Variants in HS6ST3 observed in about 807,000 individuals in gnomAD.
HS6ST3 encodes the protein heparan-sulfate 6-O-sulfotransferase 3.
A neutral mutation model predicts 36.7 loss-of-function variants in HS6ST3; 12 were observed. The observed-to-expected ratio is 0.33, with a 90% CI of 0.21 to 0.53. The LOEUF (loss-of-function observed/expected upper bound fraction) is 0.53. Ranked by LOEUF, HS6ST3 falls within the 20% of genes least tolerant of loss-of-function variation. HS6ST3 has a pLI of 0.95. For missense variants in HS6ST3, 584 were observed against 640.9 expected (o/e 0.91, Z 0.96); for synonymous variants, 240 against 257.5 (o/e 0.93, Z 0.65).
chr13:96,323,074 C>T (rs1482329905), intron 1 of HS6ST3, among the ~76,000 whole-genome samples: 1 of 152,204 alleles, frequency 6.6e-6, no homozygotes, highest in African/African-American at 2.4e-5. Context: ...CTGTACTTCT[C>T]CATGCTCAGG....
intron 1 of HS6ST3, among the ~76,000 whole-genome samples, chr13:96,284,910 G>GCTTGCTTGCTTTCTTTCTTT (rs1343778101): frequency 1.8e-3 from 245 of 134,658 alleles, no homozygotes; most frequent in East Asian, 4.7e-3. Context: ...ATGCATATTT[G>GCTTGCTTGCTTTCTTTCTTT]CTTTCTTTCT....
intron 1 of HS6ST3, among the ~76,000 whole-genome samples, chr13:96,700,339 G>C (rs1875251616): frequency 1.3e-5 from 2 of 152,050 alleles, no homozygotes; most frequent in Admixed American, 6.6e-5. Flanking sequence ...CACGAGAACA[G>C]CATGGGGGAA....
At chr13:96,679,025 T>C (rs1356165393) in intron 1 of HS6ST3, among the ~76,000 whole-genome samples, 1 of 151,174 alleles carries the variant, frequency 6.6e-6, no homozygotes, top group African/African-American at 2.4e-5. Flanking sequence ...TATATGTATT[T>C]CCTGAGCTGG....
chr13:96,355,491 T>G (rs1310517075), intron 1 of HS6ST3, among the ~76,000 whole-genome samples: 2 of 151,612 alleles, frequency 1.3e-5, no homozygotes, highest in Non-Finnish European at 2.9e-5. Context: ...AGCAATAAAG[T>G]GAGTCACATA....
chr13:96,242,980 T>A (rs1003469960), intron 1 of HS6ST3, among the ~76,000 whole-genome samples: 12 of 152,212 alleles, frequency 7.9e-5, no homozygotes, highest in African/African-American at 2.7e-4. Context: ...GGTATACACA[T>A]ACCATGTATG....
rs548909277 is a variant in HS6ST3, at chr13:96,663,479, A to T, written c.708-169011A>T. Among the ~76,000 whole-genome samples, 16 of 152,342 alleles carry T rather than the reference A, an allele frequency of 1.1e-4. No individual in the cohort carries two copies. The East Asian group carries it at 2.5e-3, about 24-fold the overall frequency. On this transcript the variant is annotated intron_variant, in intron 1 of 1. Transcript: ENST00000376705. ...CCATTATATATCCATAAGAATGGCT[A>T]AAATCAAATAGATGGAAGACACAGA... is the stretch of plus-strand genomic sequence containing the variant.
chr13:96,759,592 T>C (rs1014771024), intron 1 of HS6ST3, among the ~76,000 whole-genome samples: 6 of 151,930 alleles, frequency 3.9e-5, no homozygotes, highest in Admixed American at 2.6e-4. Context: ...TGTGTTATTG[T>C]TGTGATATAT....
intron 1 of HS6ST3, among the ~76,000 whole-genome samples, chr13:96,621,610 A>G (rs914971906): frequency 6.6e-6 from 1 of 152,186 alleles, no homozygotes; most frequent in African/African-American, 2.4e-5. Flanking sequence ...ACCTTCTTCA[A>G]GGTGCTATTA....
chr13:96,205,524 C>CA (rs200882967), intron 1 of HS6ST3, among the ~76,000 whole-genome samples: 23 of 151,048 alleles, frequency 1.5e-4, no homozygotes, highest in South Asian at 1.5e-3. Flanking sequence ...GATACAACAA[C>CA]AAAAAAAAAC....
At chr13:96,645,860 G>C (rs1436446481) in intron 1 of HS6ST3, among the ~76,000 whole-genome samples, 5 of 151,822 alleles carry the variant, frequency 3.3e-5, no homozygotes, top group African/African-American at 1.2e-4. Context: ...ACTGAAAATA[G>C]TTTATAAACA....
Position 96,392,290 on chromosome 13 carries a change from A to G in HS6ST3, c.707+300721A>G, listed in dbSNP as rs1041278153. Among the ~76,000 whole-genome samples the G allele has an allele frequency of 2.6e-5, 4 of 152,222 alleles. No homozygotes were observed. In the East Asian group the frequency reaches 7.7e-4, roughly 29 times the overall value. On this transcript the variant is annotated intron_variant, in intron 1 of 1. Coordinates refer to ENST00000376705, the MANE Select transcript of HS6ST3 (RefSeq NM_153456.4). ...TAAATAAGACAAGACTAATTGATTA[A>G]TTAATTTATTCATTCAATAATTATT...
intron 1 of HS6ST3, among the ~76,000 whole-genome samples, chr13:96,371,169 T>C (rs1417914015): frequency 6.6e-6 from 1 of 152,216 alleles, no homozygotes; most frequent in African/African-American, 2.4e-5. Flanking sequence ...TTGGGTTATA[T>C]GTTACTCTAC....
At chr13:96,327,095 G>A (rs1224599289) in intron 1 of HS6ST3, among the ~76,000 whole-genome samples, 1 of 144,266 alleles carries the variant, frequency 6.9e-6, no homozygotes, top group Non-Finnish European at 1.5e-5. Flanking sequence ...TGTCAGATGA[G>A]TAGGTTGTGA....
chr13:96,271,393 A>C (rs1448233572), intron 1 of HS6ST3, among the ~76,000 whole-genome samples: 3 of 151,944 alleles, frequency 2.0e-5, no homozygotes, highest in Non-Finnish European at 2.9e-5. Flanking sequence ...GTTGTGCAAA[A>C]TTCCTGCTTT....
At chr13:96,560,954 G>T (rs1213633559) in intron 1 of HS6ST3, among the ~76,000 whole-genome samples, 2 of 152,030 alleles carry the variant, frequency 1.3e-5, no homozygotes, top group East Asian at 3.9e-4. Flanking sequence ...CATCAAAATG[G>T]CTATACTGTC....
intron 1 of HS6ST3, among the ~76,000 whole-genome samples, chr13:96,434,781 C>T (rs2055633497): frequency 6.6e-6 from 1 of 152,060 alleles, no homozygotes; most frequent in Admixed American, 6.6e-5. Flanking sequence ...ATATTATCAT[C>T]ATTTTCTGAT....
chr13:96,696,227 C>G (rs1664442535), intron 1 of HS6ST3, among the ~76,000 whole-genome samples: 1 of 152,164 alleles, frequency 6.6e-6, no homozygotes, highest in Non-Finnish European at 1.5e-5. Flanking sequence ...TTGCAGTCCC[C>G]AGGTAGATGT....
At chr13:96,652,539 G>C (rs2056611090) in intron 1 of HS6ST3, among the ~76,000 whole-genome samples, 1 of 151,978 alleles carries the variant, frequency 6.6e-6, no homozygotes, top group Non-Finnish European at 1.5e-5. Context: ...ACAATAAAAG[G>C]TGTTGGTATT....
chr13:96,401,279 C>G (rs2055449893), intron 1 of HS6ST3, among the ~76,000 whole-genome samples: 1 of 152,154 alleles, frequency 6.6e-6, no homozygotes, highest in African/African-American at 2.4e-5. Context: ...ACATTTGAAA[C>G]TGTGTCCAGC....
Sources: gnomAD v4.1 joint callset for allele counts (sites outside exome capture counted in the v4.1 genomes callset) on GRCh38, gnomAD v4.1.1 for gene constraint, MANE v1.5 for transcripts, NCBI Gene and HGNC (gene_info 2026-07-23, HGNC 2026-07-21) for gene names.